LARS1: variants seen among roughly 807,000 people sequenced by gnomAD.
LARS1 encodes the protein leucine--tRNA ligase, cytoplasmic.
A neutral mutation model predicts 162.8 loss-of-function variants in LARS1; 100 were observed. The observed-to-expected ratio is 0.61, with a 90% CI of 0.52 to 0.73. The LOEUF (loss-of-function observed/expected upper bound fraction) is 0.73, where lower values mean the gene tolerates loss of function less well. Among genes scored for constraint, LARS1 ranks in the 30% least tolerant of loss-of-function variants. The pLI, the probability that LARS1 is intolerant of heterozygous loss-of-function variation, is 0.00. For synonymous variants in LARS1, 457 were observed against 462.8 expected (o/e 0.99, Z 0.16); for missense variants, 1,258 against 1,408.9 (o/e 0.89, Z 1.71).
intron 2 of LARS1, among the ~76,000 whole-genome samples, chr5:146,175,170 G>C (rs1754497885): frequency 6.6e-6 from 1 of 151,678 alleles, no homozygotes; most frequent in African/African-American, 2.4e-5. Context: ...AGTGAGCTGA[G>C]ATCACACAAC....
intron 28 of LARS1, among the ~76,000 whole-genome samples, chr5:146,125,217 A>G (rs1228009337): frequency 1.3e-5 from 2 of 152,084 alleles, no homozygotes. Context: ...AACTATGAAC[A>G]TACCAGCACT....
chr5:146,144,517 T>C lies in LARS1; in HGVS notation c.1610A>G (p.Glu537Gly). 6.2e-7 allele frequency: 1 copy of C among 1,613,994 alleles called. No homozygotes were observed. Among genetic ancestry groups the C allele is most frequent in the Non-Finnish European group, 8.5e-7 (1 of 1,179,968 alleles). Residue 537 changes from glutamate (E) to glycine (G), a missense_variant, in exon 17 of 32, where the codon GAG becomes GGG. Coordinates refer to ENST00000394434, the MANE Select transcript of LARS1 (RefSeq NM_020117.11). The stretch of plus-strand genomic sequence containing the variant: ...CTGAGATGTCTGTTTCTTCCAATTC[T>C]CTTCTCCATAATCCAAGTACCTGGG... ...CDQWYLDYGE[E>G]NWKKQTSQCL... is the part of the protein sequence containing the mutation.
At position 146,129,025 on chromosome 5, in the gene LARS1, C is replaced by A; in HGVS notation, c.2722G>T (p.Asp908Tyr). ...SSQYLMEVTH[D>Y]LRLRLKNYMM... ...TAGTTCTTGAGTCGTAGTCTAAGGTCATGTGTTACTTCCATAAGATACTGT... is the reference window on the plus strand; with the variant it reads ...TAGTTCTTGAGTCGTAGTCTAAGGTAATGTGTTACTTCCATAAGATACTGT... The change falls in exon 26 of 32, where the codon GAC becomes TAC. Residue 908 changes from aspartate (D) to tyrosine (Y), a missense_variant. By Grantham distance (160) the Asp-to-Tyr change is radical. Transcript: ENST00000394434. 1 of 1,611,724 alleles carries A rather than the reference C, an allele frequency of 6.2e-7. No homozygotes were observed. The highest frequency in any genetic ancestry group is 1.1e-5 in the South Asian group (1 of 90,648).
At chr5:146,118,931 T>C (rs964232964) in intron 31 of LARS1, among the ~76,000 whole-genome samples, 2 of 152,200 alleles carry the variant, frequency 1.3e-5, no homozygotes, top group Non-Finnish European at 2.9e-5. Context: ...AACCCTAGTA[T>C]ACTGTTGCTG....
chr5:146,143,981 G>A (rs570552686), intron 18 of LARS1, among the ~76,000 whole-genome samples: 2 of 152,144 alleles, frequency 1.3e-5, no homozygotes, highest in South Asian at 2.1e-4. Context: ...CAGCCTAGGC[G>A]ACAGAGCAAG....
chr5:146,156,180 A>C (rs1458551598), intron 10 of LARS1, among the ~76,000 whole-genome samples: 3 of 152,230 alleles, frequency 2.0e-5, no homozygotes, highest in Non-Finnish European at 2.9e-5. Flanking sequence ...GATATTACTA[A>C]CTACCTCTAG....
In LARS1 at chr5:146,120,271, C is replaced by A. The variant is rs1216322242; in HGVS notation, c.3325+100G>T. On this transcript the variant is annotated intron_variant, in intron 31 of 31. Transcript: ENST00000394434. ...GTACTTTTTCCATAATAATACACAGCTGTCCATAAGCAAGCCGGTTTCTTT... is the reference window on the plus strand; with the variant it reads ...GTACTTTTTCCATAATAATACACAGATGTCCATAAGCAAGCCGGTTTCTTT... The A allele has an allele frequency of 3.3e-6, 4 of 1,221,878 alleles. No individual in the cohort carries two copies. The Admixed American group carries it at 8.2e-5, about 25-fold the overall frequency. 75.7% of individuals were successfully genotyped at this position (1,221,878 alleles called of 1,614,324 possible).
intron 8 of LARS1, among the ~76,000 whole-genome samples, chr5:146,158,318 T>C (rs767502967): frequency 7.2e-5 from 11 of 152,224 alleles, no homozygotes; most frequent in Non-Finnish European, 1.2e-4. Flanking sequence ...ATTGCTGCCA[T>C]TGGCTATATT....
intron 4 of LARS1, among the ~76,000 whole-genome samples, chr5:146,170,097 A>G (rs969875867): frequency 6.6e-6 from 1 of 152,200 alleles, no homozygotes; most frequent in Non-Finnish European, 1.5e-5. Context: ...CTTCAAAAAC[A>G]TCAATATCAC....
At chr5:146,164,991 T>C (rs1581073337) in intron 5 of LARS1, among the ~76,000 whole-genome samples, 2 of 152,232 alleles carry the variant, frequency 1.3e-5, no homozygotes, top group South Asian at 4.1e-4. Flanking sequence ...ACTGTGCTGG[T>C]AGAAACATGA....
chr5:146,171,903 A>T lies in LARS1; in HGVS notation c.294+7T>A, dbSNP rs780082380. 8 of 1,603,998 alleles carry T rather than the reference A, an allele frequency of 5.0e-6. No individual in the cohort carries two copies. The highest frequency in any genetic ancestry group is 6.8e-6 in the Non-Finnish European group (8 of 1,173,496). ...AGAGTAGAAACCAATCCTATTAGCGATCTTACCTTAATAGGCATTCCAGTA... is the reference window on the plus strand; with the variant it reads ...AGAGTAGAAACCAATCCTATTAGCGTTCTTACCTTAATAGGCATTCCAGTA... On this transcript the variant is annotated splice_region_variant and intron_variant, in intron 4 of 31. Coordinates refer to ENST00000394434, the MANE Select transcript of LARS1 (RefSeq NM_020117.11).
At chr5:146,118,111 T>C (rs1276284212) in intron 31 of LARS1, among the ~76,000 whole-genome samples, 2 of 152,160 alleles carry the variant, frequency 1.3e-5, no homozygotes, top group Non-Finnish European at 2.9e-5. Flanking sequence ...AGATATGCAA[T>C]CAACCTAAGT....
chr5:146,149,403 T>G (rs1753171122), intron 15 of LARS1, among the ~76,000 whole-genome samples: 1 of 152,220 alleles, frequency 6.6e-6, no homozygotes, highest in South Asian at 2.1e-4. Flanking sequence ...TCTCTACACA[T>G]GCTATGCACA....
chr5:146,120,628 G>T, intron 30 of LARS1, 125 bp from the exon 31 acceptor site: 1 of 924,258 alleles, frequency 1.1e-6, no homozygotes. Flanking sequence ...TCATGACTAA[G>T]GAGTACTCAA....
intron 26 of LARS1, 64 bp downstream of exon 26, chr5:146,128,906 TATTGTTAA>T (rs1407985279): frequency 6.8e-6 from 10 of 1,464,108 alleles, no homozygotes; most frequent in African/African-American, 1.4e-5. Context: ...TAACTTTCAT[TATTGTTAA>T]ATGTTATCTG....
At chr5:146,166,583 T>A (rs1309667194) in intron 5 of LARS1, among the ~76,000 whole-genome samples, 1 of 151,982 alleles carries the variant, frequency 6.6e-6, no homozygotes, top group Non-Finnish European at 1.5e-5. Context: ...ACCTGAAGAA[T>A]AAAGTGAATA....
chr5:146,182,369 C>A (rs1219845734), intron 1 of LARS1, 119 bp downstream of exon 1: 1 of 1,332,958 alleles, frequency 7.5e-7, no homozygotes, highest in East Asian at 2.3e-5. Flanking sequence ...GAAAGGCACG[C>A]CTTAAGCGTG....
At chr5:146,117,651 C>A (rs1751616201) in intron 31 of LARS1, among the ~76,000 whole-genome samples, 1 of 152,138 alleles carries the variant, frequency 6.6e-6, no homozygotes, top group Non-Finnish European at 1.5e-5. Context: ...TGGGTCCACA[C>A]ACATATCTAT....
At chr5:146,166,180 A>C (rs1396196554) in intron 5 of LARS1, among the ~76,000 whole-genome samples, 1 of 152,158 alleles carries the variant, frequency 6.6e-6, no homozygotes, top group Non-Finnish European at 1.5e-5. Flanking sequence ...GAAGTGGTTG[A>C]TTCCTTGGTT....
Sources: gnomAD v4.1 joint callset for allele counts (sites outside exome capture counted in the v4.1 genomes callset) on GRCh38, gnomAD v4.1.1 for gene constraint, MANE v1.5 for transcripts, NCBI Gene and HGNC (gene_info 2026-07-23, HGNC 2026-07-21) for gene names.